Variants in ZFP37 observed in about 807,000 individuals in gnomAD.
ZFP37 encodes ZFP37 zinc finger protein, also known as zinc finger protein 37 homolog.
In ZFP37, 38 loss-of-function variants were observed where a neutral mutation model predicts 52.1. That is an observed-to-expected ratio of 0.73 (90% confidence interval 0.56 to 0.96). The LOEUF (loss-of-function observed/expected upper bound fraction) is 0.96, where lower values mean the gene tolerates loss of function less well. ZFP37 is among the 40% of genes least tolerant of loss of function. The pLI is 0.00. For synonymous variants in ZFP37, 253 were observed against 259.5 expected, an observed-to-expected ratio of 0.98 and a Z score of 0.24; for missense variants, 695 against 741.4, an observed-to-expected ratio of 0.94 and a Z score of 0.73.
At position 113,044,184 on chromosome 9, in the gene ZFP37, G is replaced by C; in HGVS notation, c.434C>G (p.Thr145Ser). ...GTCACTGCCATTCTTCTTAGCTTGA[G>C]TTTTCTTCTTGACTGCAACTTCCCT... ...LLREVAVKKK[T>S]QAKKNGSDCG... is the part of the protein sequence containing the mutation. Residue 145 changes from threonine to serine, a missense_variant, in exon 4 of 4, where the codon ACT becomes AGT. Transcript: ENST00000374227. The C allele has an allele frequency of 1.2e-6, 2 of 1,605,892 alleles. No homozygotes were observed. Among genetic ancestry groups the C allele is most frequent in the East Asian group, 4.5e-5 (2 of 44,820 alleles).
At position 113,041,269 on chromosome 9, in the gene ZFP37, T is replaced by A. The variant is rs962624973; in HGVS notation, c.*1456A>T. 4 of 152,114 alleles carry A rather than the reference T, an allele frequency of 2.6e-5. No individual in the cohort carries two copies. Among genetic ancestry groups the A allele is most frequent in the Middle Eastern group, 3.4e-3 (1 of 294 alleles). 9.4% of individuals were successfully genotyped at this position (152,114 alleles called of 1,614,324 possible). A position where few individuals can be genotyped will look rare whatever the true frequency, so the allele number is the denominator to read the frequency against. On this transcript the variant is annotated 3_prime_UTR_variant, in exon 4 of 4. Coordinates refer to ENST00000374227, the MANE Select transcript of ZFP37 (RefSeq NM_003408.3). Reference sequence around the variant, plus strand: ...ATCTATGGCTCAAGAGTAAAAAAAATCCAGGTGTGCAATGGCAAATAGGTC... The same window carrying A: ...ATCTATGGCTCAAGAGTAAAAAAAAACCAGGTGTGCAATGGCAAATAGGTC...
chr9:113,038,730 C>T lies in ZFP37; in HGVS notation c.*3995G>A, dbSNP rs1054097938. ...CCTGGGAGGTAGAGATTGTAATGAG[C>T]CAAGATTGCACTACTGCACACTCCA... On this transcript the variant is annotated 3_prime_UTR_variant, in exon 4 of 4. Transcript: ENST00000374227. 2.0e-5 allele frequency: 3 copies of T among 151,894 alleles called. No homozygotes were observed. Among genetic ancestry groups the T allele is most frequent in the Non-Finnish European group, 4.4e-5 (3 of 67,960 alleles). 9.4% of individuals were successfully genotyped at this position (151,894 alleles called of 1,614,324 possible).
At chr9:113,045,213 T>A (rs1213322174) in intron 3 of ZFP37, among the ~76,000 whole-genome samples, 1 of 152,174 alleles carries the variant, frequency 6.6e-6, no homozygotes, top group East Asian at 1.9e-4. Context: ...ATACTACTCA[T>A]GGTGAATTTT....
rs955577607 is a variant in ZFP37 at position 113,038,820 on chromosome 9, C to G, written c.*3905G>C. The G allele has an allele frequency of 1.3e-5, 2 of 151,992 alleles. No homozygotes were observed. Among genetic ancestry groups the G allele is most frequent in the Non-Finnish European group, 2.9e-5 (2 of 67,974 alleles). The allele number at this position is 151,992 out of a possible 1,614,324, so 9.4% of individuals were successfully genotyped here. ...CAAAAAAAGAAAGATTCAATTTCCT[C>G]AAGCCACCTGAAACTAGGTGTGGTC... is the stretch of plus-strand genomic sequence containing the variant. On this transcript the variant is annotated 3_prime_UTR_variant, in exon 4 of 4. Transcript: ENST00000374227.
In ZFP37 at chr9:113,040,052, TAG is replaced by T. The variant is rs1434844920; in HGVS notation, c.*2671_*2672del. ...TCATTCAGGCAATTTTTATGCACAC[TAG>T]AGTTTACGTATCGATTCAGACTTAC... is the stretch of plus-strand genomic sequence containing the variant. On this transcript the variant is annotated 3_prime_UTR_variant, in exon 4 of 4. Coordinates refer to ENST00000374227, the MANE Select transcript of ZFP37 (RefSeq NM_003408.3). 1 of 152,228 alleles carries T rather than the reference TAG, an allele frequency of 6.6e-6. No individual in the cohort carries two copies. The highest frequency in any genetic ancestry group is 1.5e-5 in the Non-Finnish European group (1 of 68,034). The allele number at this position is 152,228 out of a possible 1,614,324, so 9.4% of individuals were successfully genotyped here.
At chr9:113,045,855 A>G (rs1256205562) in intron 3 of ZFP37, among the ~76,000 whole-genome samples, 1 of 152,194 alleles carries the variant, frequency 6.6e-6, no homozygotes, top group African/African-American at 2.4e-5. Context: ...GCTACATGCT[A>G]TAGCATGGAA....
chr9:113,055,414 T>A (rs1157383271), intron 1 of ZFP37, among the ~76,000 whole-genome samples: 2 of 152,256 alleles, frequency 1.3e-5, no homozygotes, highest in African/African-American at 4.8e-5. Context: ...ATCTTTCATA[T>A]TTCTATAATG....
rs528374703 is a variant in ZFP37 at position 113,042,819 on chromosome 9, G to A, written c.1799C>T (p.Pro600Leu). Residue 600 changes from proline to leucine, a missense_variant, in exon 4 of 4, where the codon CCC (proline) becomes CTC (leucine). Physicochemically the swap from Pro to Leu is moderately conservative, Grantham distance 98 (BLOSUM62 -3). Transcript: ENST00000374227. ...IHQRSHTGEK[P>L]YECNECGKTF... ...TTTCCCACATTCATTACATTCATAG[G>A]GTTTTTCTCCAGTGTGGGATCGCTG... 6.2e-7 allele frequency: 1 copy of A among 1,613,414 alleles called. No individual in the cohort carries two copies. The highest frequency in any genetic ancestry group is 1.1e-5 in the South Asian group (1 of 90,916).
At position 113,041,006 on chromosome 9, in the gene ZFP37, G is replaced by A. The variant is rs1828837230; in HGVS notation, c.*1719C>T. On this transcript the variant is annotated 3_prime_UTR_variant, in exon 4 of 4. Coordinates refer to ENST00000374227, the MANE Select transcript of ZFP37 (RefSeq NM_003408.3). ...CTCACTCTGCTGCCCAGGCTGGAGT[G>A]CACTGTAACCTCCATCTCCTGGGTG... The A allele has an allele frequency of 6.6e-6, 1 of 152,044 alleles. No individual in the cohort carries two copies. The highest frequency in any genetic ancestry group is 1.5e-5 in the Non-Finnish European group (1 of 68,000). The allele number at this position is 152,044 out of a possible 1,614,324, so 9.4% of individuals were successfully genotyped here.
Position 113,043,825 on chromosome 9 carries a change from T to G in ZFP37, c.793A>C (p.Ile265Leu). 6.2e-7 allele frequency: 1 copy of G among 1,614,004 alleles called. No homozygotes were observed. The highest frequency in any genetic ancestry group is 1.1e-5 in the South Asian group (1 of 91,080). Reference protein sequence around the residue: ...HSSSHIKQDKIQTGEKHEKSP... With the variant: ...HSSSHIKQDKLQTGEKHEKSP... ...TTCTCATGTTTCTCTCCAGTTTGAATTTTGTCCTGTTTAATATGGGATGAA... is the reference window on the plus strand; with the variant it reads ...TTCTCATGTTTCTCTCCAGTTTGAAGTTTGTCCTGTTTAATATGGGATGAA... Residue 265 changes from isoleucine to leucine, a missense_variant, in exon 4 of 4, where the codon ATT (isoleucine) becomes CTT (leucine). Transcript: ENST00000374227.
Position 113,049,873 on chromosome 9 carries a change from CT to C in ZFP37, c.133-2del. Reference sequence around the variant, plus strand: ...GAGCAGGATCCAGTTGCTTCCATTCCTTCTGGGTAAAGGCCATAGTCACATG... The same window carrying C: ...GAGCAGGATCCAGTTGCTTCCATTCCTCTGGGTAAAGGCCATAGTCACATG... On this transcript the variant is annotated splice_acceptor_variant, in intron 1 of 3. Coordinates refer to ENST00000374227, the MANE Select transcript of ZFP37 (RefSeq NM_003408.3). LOFTEE classifies it high-confidence loss of function. 6.2e-7 allele frequency: 1 copy of C among 1,614,048 alleles called. No individual in the cohort carries two copies. The highest frequency in any genetic ancestry group is 8.5e-7 in the Non-Finnish European group (1 of 1,179,932).
chr9:113,045,773 C>T (rs1828938803), intron 3 of ZFP37, among the ~76,000 whole-genome samples: 1 of 152,164 alleles, frequency 6.6e-6, no homozygotes. Context: ...TGTTAGCTAG[C>T]TATGGATACT....
Position 113,039,297 on chromosome 9 carries a change from C to T in ZFP37, c.*3428G>A, listed in dbSNP as rs1319252086. 1.3e-5 allele frequency: 2 copies of T among 150,460 alleles called. No homozygotes were observed. The highest frequency in any genetic ancestry group is 2.4e-5 in the African/African-American group (1 of 41,316). The allele number at this position is 150,460 out of a possible 1,614,324, so 9.3% of individuals were successfully genotyped here. A position where few individuals can be genotyped will look rare whatever the true frequency, so the allele number is the denominator to read the frequency against. ...GTGACAGATTGTTTTCTACCTATCA[C>T]AAATGTAATTTTTTTTTAAATCTTG... On this transcript the variant is annotated 3_prime_UTR_variant, in exon 4 of 4. Transcript: ENST00000374227.
At chr9:113,053,008 G>A (rs1199269069) in intron 1 of ZFP37, among the ~76,000 whole-genome samples, 4 of 152,160 alleles carry the variant, frequency 2.6e-5, no homozygotes, top group Non-Finnish European at 4.4e-5. Flanking sequence ...CAACGTGGAA[G>A]AGCCATTCAA....
intron 3 of ZFP37, among the ~76,000 whole-genome samples, chr9:113,046,333 A>G (rs1828955530): frequency 6.6e-6 from 1 of 151,504 alleles, no homozygotes; most frequent in African/African-American, 2.4e-5. Flanking sequence ...CTGCTTTTTC[A>G]TTTAGGAAAT....
rs1245429270 is a variant in ZFP37, at chr9:113,040,437, AT to A, written c.*2287del. On this transcript the variant is annotated 3_prime_UTR_variant, in exon 4 of 4. Coordinates refer to ENST00000374227, the MANE Select transcript of ZFP37 (RefSeq NM_003408.3). Reference sequence around the variant, plus strand: ...TCATATTGCATTTTCTTCCCATGTGATAAATAAGTTACTTGGAAATGAGGGG... The same window carrying A: ...TCATATTGCATTTTCTTCCCATGTGAAAATAAGTTACTTGGAAATGAGGGG... The A allele has an allele frequency of 6.6e-6, 1 of 152,230 alleles. No individual in the cohort carries two copies. The highest frequency in any genetic ancestry group is 6.5e-5 in the Admixed American group (1 of 15,278). 9.4% of individuals were successfully genotyped at this position (152,230 alleles called of 1,614,324 possible).
rs1049734628 is a variant in ZFP37, at chr9:113,039,387, T to C, written c.*3338A>G. On this transcript the variant is annotated 3_prime_UTR_variant, in exon 4 of 4. Coordinates refer to ENST00000374227, the MANE Select transcript of ZFP37 (RefSeq NM_003408.3). ...GTCAGAGGAGTTTAACATCTTTCTC[T>C]TCCCACACCCTCAGATTCTAAAAGA... 6.6e-6 allele frequency: 1 copy of C among 152,222 alleles called. No individual in the cohort carries two copies. Among genetic ancestry groups the C allele is most frequent in the Admixed American group, 6.5e-5 (1 of 15,274 alleles). 9.4% of individuals were successfully genotyped at this position (152,222 alleles called of 1,614,324 possible). A position where few individuals can be genotyped will look rare whatever the true frequency, so the allele number is the denominator to read the frequency against.
At position 113,044,217 on chromosome 9, in the gene ZFP37, T is replaced by C. The variant is rs1425062344; in HGVS notation, c.401A>G (p.Lys134Arg). ...CTTGACTGCAACTTCCCTGAGGAGT[T>C]TGTTTTGAGATTTCTGGATATTTTC... The part of the protein sequence containing the change: ...QLENIQKSQN[K>R]LLREVAVKKK... The change falls in exon 4 of 4, where the codon AAA (lysine) becomes AGA (arginine). Residue 134 changes from lysine to arginine, a missense_variant. This residue lies in a region of ZFP37 where 369 missense variants were observed against 340.9 expected (regional missense o/e 1.08). Coordinates refer to ENST00000374227, the MANE Select transcript of ZFP37 (RefSeq NM_003408.3). 7.0e-6 allele frequency: 11 copies of C among 1,581,886 alleles called. No homozygotes were observed. The highest frequency in any genetic ancestry group is 7.7e-6 in the Non-Finnish European group (9 of 1,170,772).
chr9:113,042,713 C>A lies in ZFP37; in HGVS notation c.*12G>T. ...AACCTTAAATTTAGTTAACAAATTT[C>A]CCACATTAACTTCACTCATGAGATT... On this transcript the variant is annotated 3_prime_UTR_variant, in exon 4 of 4. Transcript: ENST00000374227. 1 of 1,529,806 alleles carries A rather than the reference C, an allele frequency of 6.5e-7. No homozygotes were observed. The highest frequency in any genetic ancestry group is 1.3e-5 in the South Asian group (1 of 76,342). 94.8% of individuals were successfully genotyped at this position (1,529,806 alleles called of 1,614,324 possible).
Sources: gnomAD v4.1 joint callset for allele counts (sites outside exome capture counted in the v4.1 genomes callset) on GRCh38, gnomAD v4.1.1 for gene constraint, gnomAD v4.1.1 regional missense constraint, MANE v1.5 for transcripts, NCBI Gene and HGNC (gene_info 2026-07-23, HGNC 2026-07-21) for gene names.